ECT2L: variants seen among roughly 807,000 people sequenced by gnomAD.
ECT2L encodes the protein epithelial cell-transforming sequence 2 oncogene-like.
A neutral mutation model predicts 122.8 loss-of-function variants in ECT2L; 126 were observed. The observed-to-expected ratio is 1.03, with a 90% confidence interval of 0.89 to 1.19. ECT2L has a LOEUF of 1.19. ECT2L is among the 50% of genes most tolerant of loss of function. ECT2L has a pLI of 0.00. For missense variants in ECT2L, 1,012 were observed against 1,064.1 expected (o/e 0.95, Z 0.68); for synonymous variants, 385 against 381.8 (o/e 1.01, Z -0.10).
intron 4 of ECT2L, among the ~76,000 whole-genome samples, chr6:138,820,483 G>A (rs1368449192): frequency 6.6e-6 from 1 of 152,068 alleles, no homozygotes; most frequent in Admixed American, 6.5e-5. Context: ...CTTGGCCCTT[G>A]ATAACATCAT....
chr6:138,858,217 G>A (rs1777689363), intron 10 of ECT2L, among the ~76,000 whole-genome samples: 1 of 152,098 alleles, frequency 6.6e-6, no homozygotes, highest in African/African-American at 2.4e-5. Flanking sequence ...TGAAATCTCT[G>A]AGCTGCAGAC....
chr6:138,804,786 C>T (rs771148575), intron 1 of ECT2L, among the ~76,000 whole-genome samples: 2 of 152,168 alleles, frequency 1.3e-5, no homozygotes, highest in Non-Finnish European at 2.9e-5. Context: ...ATAAAGTTGG[C>T]ACTCTTAATT....
At chr6:138,836,479 G>A (rs1776845010) in intron 4 of ECT2L, among the ~76,000 whole-genome samples, 1 of 151,802 alleles carries the variant, frequency 6.6e-6, no homozygotes, top group Admixed American at 6.6e-5. Flanking sequence ...AGTAGAGACA[G>A]GTTTCACCAC....
chr6:138,895,574 TA>T, intron 20 of ECT2L, among the ~76,000 whole-genome samples: 2 of 152,168 alleles, frequency 1.3e-5, no homozygotes, highest in Admixed American at 1.3e-4. Flanking sequence ...TATATATATA[TA>T]TTTTTCTTTT....
At chr6:138,858,761 A>G (rs1348767554) in intron 10 of ECT2L, among the ~76,000 whole-genome samples, 2 of 130,052 alleles carry the variant, frequency 1.5e-5, no homozygotes, top group African/African-American at 6.0e-5. Context: ...GCTGGAGTGC[A>G]GTGATGAAAT....
rs749236554 is a variant in ECT2L, at chr6:138,881,694, A to G, written c.1880+523A>G. Among the ~76,000 whole-genome samples, 102 of 151,996 alleles carry G rather than the reference A, an allele frequency of 6.7e-4. 1 individual carries two copies. Among genetic ancestry groups the G allele is most frequent in the Non-Finnish European group, 1.3e-3 (87 of 67,992 alleles). On this transcript the variant is annotated intron_variant, in intron 15 of 21. Transcript: ENST00000541398. ...AGATCATCAGGCATTAGATTCTCAT[A>G]AGGAGCATGCAACCTAGATCCTTCA...
chr6:138,868,658 G>C (rs1187260428), intron 13 of ECT2L, among the ~76,000 whole-genome samples: 2 of 152,134 alleles, frequency 1.3e-5, no homozygotes, highest in Non-Finnish European at 2.9e-5. Context: ...CAACGGAACG[G>C]AAAGAAGCAA....
At chr6:138,820,587 T>C (rs1776238060) in intron 4 of ECT2L, among the ~76,000 whole-genome samples, 1 of 152,158 alleles carries the variant, frequency 6.6e-6, no homozygotes, top group African/African-American at 2.4e-5. Context: ...ACAGTCCATT[T>C]ATCTAGTAGT....
In ECT2L at chr6:138,898,087, C is replaced by T. The variant is rs114854321; in HGVS notation, c.2415-2861C>T. Among the ~76,000 whole-genome samples, 1,216 of 152,110 alleles carry T rather than the reference C, an allele frequency of 8.0e-3. 17 individuals carry two copies. Among genetic ancestry groups the T allele is most frequent in the African/African-American group, 0.028 (1,158 of 41,494 alleles). On this transcript the variant is annotated intron_variant, in intron 20 of 21. Coordinates refer to ENST00000541398, the MANE Select transcript of ECT2L (RefSeq NM_001077706.3). ...AAAAAAAAAAATTGCTCCCCTTCTCCCCCAAAAAAGCAAGACCATGGTAGA... is the reference window on the plus strand; with the variant it reads ...AAAAAAAAAAATTGCTCCCCTTCTCTCCCAAAAAAGCAAGACCATGGTAGA...
intron 1 of ECT2L, among the ~76,000 whole-genome samples, chr6:138,799,708 TG>T (rs1775475336): frequency 6.6e-6 from 1 of 152,164 alleles, no homozygotes; most frequent in African/African-American, 2.4e-5. Context: ...TACAGGTGAA[TG>T]CCGCCACACC....
intron 14 of ECT2L, 130 bp from the exon 15 acceptor site, chr6:138,880,827 C>T (rs1778619554): frequency 7.0e-6 from 5 of 714,434 alleles, no homozygotes; most frequent in East Asian, 2.7e-5. Flanking sequence ...CGGGGTCCTC[C>T]GTAGCCCCCG....
At chr6:138,868,849 C>G (rs986527729) in intron 13 of ECT2L, among the ~76,000 whole-genome samples, 1 of 152,126 alleles carries the variant, frequency 6.6e-6, no homozygotes, top group African/African-American at 2.4e-5. Flanking sequence ...CTCCCAGCCC[C>G]AAAGAGGACA....
chr6:138,827,118 G>A (rs1031694248), intron 4 of ECT2L, among the ~76,000 whole-genome samples: 7 of 152,192 alleles, frequency 4.6e-5, no homozygotes, highest in African/African-American at 9.7e-5. Flanking sequence ...GGAGGCCAAC[G>A]TGGGCGGATC....
chr6:138,854,095 A>T lies in ECT2L; in HGVS notation c.1139A>T (p.Tyr380Phe), dbSNP rs1030735369. 5 of 1,614,038 alleles carry T rather than the reference A, an allele frequency of 3.1e-6. No homozygotes were observed. In the African/African-American group the frequency reaches 5.3e-5, roughly 17 times the overall value. The stretch of plus-strand genomic sequence containing the variant: ...GATTTCTGGGAGAAATTAGGAAGCT[A>T]TGTGGCCACTGAAGAAGAAGGGGGT... ...VRDFWEKLGS[Y>F]VATEEEGGHV... The change falls in exon 10 of 22, where the codon TAT becomes TTT. Residue 380 changes from tyrosine (Y) to phenylalanine (F), a missense_variant. Physicochemically the swap from Tyr to Phe is conservative, Grantham distance 22. Transcript: ENST00000541398.
chr6:138,847,354 ACTTTT>A (rs1777260487), intron 8 of ECT2L, among the ~76,000 whole-genome samples: 2 of 111,016 alleles, frequency 1.8e-5, no homozygotes, highest in African/African-American at 8.0e-5. Context: ...AAAGGCCCAA[ACTTTT>A]TTTTTTTTTT....
intron 9 of ECT2L, among the ~76,000 whole-genome samples, chr6:138,852,188 C>T (rs752479986): frequency 3.3e-5 from 5 of 152,136 alleles, no homozygotes; most frequent in Admixed American, 1.3e-4. Flanking sequence ...GGGAGGATCC[C>T]GGCGGGGCAG....
Position 138,876,516 on chromosome 6 carries a change from G to A in ECT2L, c.1623G>A (p.Arg541=), listed in dbSNP as rs368784560. ...ACAATTCTTGGGACACAAAGTCCAG[G>A]CTCAGCAAAAATGATTTAAATTTTG... ...VEDNSWDTKS[R]LSKNDLNFEA... The change falls in exon 14 of 22, where the codon AGG becomes AGA. Residue 541 remains arginine (R), a synonymous_variant. Coordinates refer to ENST00000541398, the MANE Select transcript of ECT2L (RefSeq NM_001077706.3). The A allele has an allele frequency of 6.2e-7, 1 of 1,612,878 alleles. No individual in the cohort carries two copies. Among genetic ancestry groups the A allele is most frequent in the Non-Finnish European group, 8.5e-7 (1 of 1,179,350 alleles).
chr6:138,853,960 C>T, intron 9 of ECT2L, 66 bp from the exon 10 acceptor site: 2 of 1,536,928 alleles, frequency 1.3e-6, no homozygotes, highest in Non-Finnish European at 1.8e-6. Flanking sequence ...TTTTCACAAG[C>T]TGCTAATAAT....
chr6:138,836,685 G>A (rs1007699310), intron 4 of ECT2L, among the ~76,000 whole-genome samples: 19 of 151,472 alleles, frequency 1.3e-4, no homozygotes, highest in Non-Finnish European at 2.4e-4. Context: ...CTGTTGTGAG[G>A]TAGTTTTCCT....
Sources: allele counts gnomAD v4.1 joint callset (sites outside exome capture counted in the v4.1 genomes callset), GRCh38; gene constraint gnomAD v4.1.1; transcripts MANE v1.5; gene names NCBI Gene and HGNC (gene_info 2026-07-23, HGNC 2026-07-21).